ERBB4: variants seen among roughly 807,000 people sequenced by gnomAD.
ERBB4 encodes receptor tyrosine-protein kinase erbB-4.
In ERBB4, 42 loss-of-function variants were observed where a neutral mutation model predicts 158.0. The observed-to-expected ratio is 0.27, with a 90% confidence interval of 0.21 to 0.34. The LOEUF (loss-of-function observed/expected upper bound fraction) is 0.34. Ranked by LOEUF, ERBB4 falls within the 10% of genes least tolerant of loss-of-function variation. The pLI is 1.00. For missense variants in ERBB4, 1,333 were observed against 1,624.1 expected (o/e 0.82, Z 3.08); for synonymous variants, 583 against 558.7 (o/e 1.04, Z -0.61).
chr2:212,061,001 A>G (rs1386836596), intron 2 of ERBB4, among the ~76,000 whole-genome samples: 1 of 151,656 alleles, frequency 6.6e-6, no homozygotes, highest in Non-Finnish European at 1.5e-5. Flanking sequence ...AAAATAAAAA[A>G]GTAAATAAAA....
At chr2:211,670,136 G>A (rs1383845517) in intron 14 of ERBB4, among the ~76,000 whole-genome samples, 2 of 152,084 alleles carry the variant, frequency 1.3e-5, no homozygotes, top group Non-Finnish European at 2.9e-5. Context: ...GAACCTCTTG[G>A]ATATCTTAAA....
intron 3 of ERBB4, 32 bp downstream of exon 3, chr2:211,947,398 A>C: frequency 6.4e-7 from 1 of 1,560,490 alleles, no homozygotes; most frequent in Non-Finnish European, 8.8e-7. Context: ...TGATAATGAA[A>C]GCATATTTGC....
At chr2:211,950,032 G>A (rs1425470227) in intron 2 of ERBB4, among the ~76,000 whole-genome samples, 4 of 151,982 alleles carry the variant, frequency 2.6e-5, no homozygotes, top group African/African-American at 7.2e-5. Context: ...GTATCACTCC[G>A]GCCCTTCTCT....
At chr2:211,720,266 C>T (rs1217472275) in intron 7 of ERBB4, among the ~76,000 whole-genome samples, 2 of 152,206 alleles carry the variant, frequency 1.3e-5, no homozygotes, top group Non-Finnish European at 2.9e-5. Flanking sequence ...TTAGCACATT[C>T]CAGCCCAGTC....
chr2:212,408,187 A>G (rs1022436186), intron 1 of ERBB4, among the ~76,000 whole-genome samples: 1 of 151,850 alleles, frequency 6.6e-6, no homozygotes, highest in African/African-American at 2.4e-5. Flanking sequence ...TCAAACCATC[A>G]CCTAGGTATT....
intron 1 of ERBB4, among the ~76,000 whole-genome samples, chr2:212,510,782 T>A (rs2106277385): frequency 6.6e-6 from 1 of 152,194 alleles, no homozygotes; most frequent in Admixed American, 6.5e-5. Flanking sequence ...ATTCCACCAA[T>A]AAAATGTCTA....
At chr2:211,899,709 A>C (rs899880699) in intron 3 of ERBB4, among the ~76,000 whole-genome samples, 2 of 152,154 alleles carry the variant, frequency 1.3e-5, no homozygotes, top group Non-Finnish European at 2.9e-5. Context: ...TGCCCATATA[A>C]TTCCTTAATA....
chr2:211,637,424 A>G (rs561189794), intron 16 of ERBB4, among the ~76,000 whole-genome samples: 1 of 152,122 alleles, frequency 6.6e-6, no homozygotes, highest in African/African-American at 2.4e-5. Context: ...GAAAGACAAG[A>G]TTTGACAGCC....
chr2:212,294,920 C>T (rs1274127000), intron 1 of ERBB4, among the ~76,000 whole-genome samples: 3 of 152,018 alleles, frequency 2.0e-5, no homozygotes, highest in Non-Finnish European at 4.4e-5. Flanking sequence ...CTTCCATATG[C>T]CCTGAGGGCA....
At chr2:212,131,728 G>A (rs553379302) in intron 1 of ERBB4, among the ~76,000 whole-genome samples, 2 of 152,248 alleles carry the variant, frequency 1.3e-5, no homozygotes, top group Admixed American at 6.5e-5. Flanking sequence ...GCGTCTCTTA[G>A]TATTACCATG....
chr2:211,391,206 C>G (rs2062791878), intron 25 of ERBB4, among the ~76,000 whole-genome samples: 1 of 152,256 alleles, frequency 6.6e-6, no homozygotes, highest in East Asian at 1.9e-4. Flanking sequence ...CCTCAATTCC[C>G]CACACTTGAA....
intron 1 of ERBB4, among the ~76,000 whole-genome samples, chr2:212,215,310 A>T (rs1312148645): frequency 6.6e-6 from 1 of 151,586 alleles, no homozygotes; most frequent in Non-Finnish European, 1.5e-5. Context: ...ATATTCATGG[A>T]AAACAGTCAC....
intron 17 of ERBB4, among the ~76,000 whole-genome samples, chr2:211,626,310 T>C (rs2069840537): frequency 6.6e-6 from 1 of 152,098 alleles, no homozygotes; most frequent in South Asian, 2.1e-4. Context: ...GTGGAAAAAA[T>C]ATGTTTTATA....
chr2:212,068,392 G>A (rs1035462874), intron 2 of ERBB4, among the ~76,000 whole-genome samples: 5 of 151,974 alleles, frequency 3.3e-5, no homozygotes, highest in East Asian at 1.9e-4. Context: ...CAACACAGCC[G>A]ACTAAAAACA....
Position 211,377,382 on chromosome 2 carries a change from C to A in ERBB4, c.*6233G>T. ...GCCTACAGGTATGAATCTTTGTTTT[C>A]CTATATTTGTATATTTGCACAAATA... On this transcript the variant is annotated 3_prime_UTR_variant, in exon 28 of 28. Coordinates refer to ENST00000342788, the MANE Select transcript of ERBB4 (RefSeq NM_005235.3). 2 of 232,826 alleles carry A rather than the reference C, an allele frequency of 8.6e-6. No homozygotes were observed. The highest frequency in any genetic ancestry group is 1.7e-5 in the Non-Finnish European group (2 of 117,560). 14.4% of individuals were successfully genotyped at this position (232,826 alleles called of 1,614,324 possible).
At chr2:211,590,733 A>C (rs1005496524) in intron 19 of ERBB4, among the ~76,000 whole-genome samples, 4 of 151,478 alleles carry the variant, frequency 2.6e-5, no homozygotes, top group African/African-American at 9.7e-5. Flanking sequence ...TGCGTTAATT[A>C]CTCTTTTGTC....
intron 1 of ERBB4, among the ~76,000 whole-genome samples, chr2:212,446,591 G>GTGTATA (rs2092355369): frequency 1.8e-4 from 5 of 27,516 alleles, no homozygotes; most frequent in Admixed American, 6.0e-4. Context: ...ATATATATAT[G>GTGTATA]TATATATATA....
chr2:211,852,515 T>C (rs1224200460), intron 3 of ERBB4, among the ~76,000 whole-genome samples: 3 of 151,928 alleles, frequency 2.0e-5, no homozygotes, highest in Non-Finnish European at 4.4e-5. Flanking sequence ...GACTTTTAAG[T>C]GAAATGACAT....
In ERBB4 at chr2:211,776,990, G is replaced by T. The variant is rs117955182; in HGVS notation, c.556+11035C>A. ...AATATGATTTCTGGGCTCTGACTGGGTTGCATTTTAGTATCTTGTTTTTGG... is the reference window on the plus strand; with the variant it reads ...AATATGATTTCTGGGCTCTGACTGGTTTGCATTTTAGTATCTTGTTTTTGG... On this transcript the variant is annotated intron_variant, in intron 4 of 27. Transcript: ENST00000342788. 1.8e-3 allele frequency among the ~76,000 whole-genome samples: 278 copies of T among 152,258 alleles called. 3 individuals carry two copies. Among genetic ancestry groups the T allele is most frequent in the East Asian group, 0.017 (90 of 5,178 alleles).
Sources: allele counts gnomAD v4.1 joint callset (sites outside exome capture counted in the v4.1 genomes callset), GRCh38; gene constraint gnomAD v4.1.1; transcripts MANE v1.5; gene names NCBI Gene and HGNC (gene_info 2026-07-23, HGNC 2026-07-21).